Variants in TNKS observed in about 807,000 individuals in gnomAD.
TNKS encodes the protein poly [ADP-ribose] polymerase tankyrase-1.
TNKS carries 72 observed loss-of-function variants against 135.8 expected under a neutral mutation model. The observed-to-expected ratio is 0.53, with a 90% CI of 0.44 to 0.64. TNKS has a LOEUF of 0.64. TNKS is among the 30% of genes least tolerant of loss of function. The probability of loss-of-function intolerance (pLI) is 0.00; values close to 1 mark genes in which losing one functional copy is unlikely to be tolerated. For missense variants in TNKS, 1,769 were observed against 1,674.0 expected (o/e 1.06, Z -0.99); for synonymous variants, 849 against 649.3 (o/e 1.31, Z -4.68).
rs34977301 is a variant in TNKS at position 9,584,164 on chromosome 8, T to TAA, written c.898+3804_898+3805dup. ...GGGTGACAGAGCAAGACTCTGTCTT[T>TAA]AAAAAAAAAAAAAAAAAAAAAAAAT... On this transcript the variant is annotated intron_variant, in intron 2 of 26. Coordinates refer to ENST00000310430, the MANE Select transcript of TNKS (RefSeq NM_003747.3). 5.2e-3 allele frequency among the ~76,000 whole-genome samples: 598 copies of TAA among 114,446 alleles called. 2 individuals carry two copies. Among genetic ancestry groups the TAA allele is most frequent in the African/African-American group, 0.018 (541 of 30,068 alleles). The allele number at this position is 114,446 out of a possible 152,430, so 75.1% of individuals were successfully genotyped here. A position where few individuals can be genotyped will look rare whatever the true frequency, so the allele number is the denominator to read the frequency against.
intron 23 of TNKS, among the ~76,000 whole-genome samples, chr8:9,765,254 A>AAGAT (rs1193114316): frequency 6.6e-6 from 1 of 152,188 alleles, no homozygotes; most frequent in African/African-American, 2.4e-5. Context: ...GGGTATCATA[A>AAGAT]AGATGAATAA....
At chr8:9,610,747 C>CT (rs1274924427) in intron 2 of TNKS, among the ~76,000 whole-genome samples, 1 of 152,108 alleles carries the variant, frequency 6.6e-6, no homozygotes, top group Non-Finnish European at 1.5e-5. Flanking sequence ...ATAATTTACT[C>CT]TAAAAAGCTT....
At chr8:9,699,788 T>A (rs1233296445) in intron 5 of TNKS, among the ~76,000 whole-genome samples, 1 of 152,184 alleles carries the variant, frequency 6.6e-6, no homozygotes, top group African/African-American at 2.4e-5. Flanking sequence ...TCTCTTCAGC[T>A]TTATTCTCCA....
intron 1 of TNKS, chr8:9,566,114 C>T (rs978687072): frequency 6.6e-6 from 1 of 152,116 alleles, no homozygotes; most frequent in East Asian, 1.9e-4. Context: ...CAGGTCTCCT[C>T]TTCCAAATGC....
At chr8:9,634,738 C>T (rs1800441403) in intron 3 of TNKS, among the ~76,000 whole-genome samples, 1 of 152,094 alleles carries the variant, frequency 6.6e-6, no homozygotes, top group Non-Finnish European at 1.5e-5. Flanking sequence ...ACCCCAATAG[C>T]AGTGGAGCAC....
intron 3 of TNKS, among the ~76,000 whole-genome samples, chr8:9,620,338 C>G (rs933444517): frequency 2.0e-5 from 3 of 152,140 alleles, no homozygotes; most frequent in Admixed American, 1.3e-4. Flanking sequence ...CCGTTTCTTA[C>G]CATCCTCACT....
At chr8:9,645,962 C>A (rs768623840) in intron 3 of TNKS, among the ~76,000 whole-genome samples, 4 of 152,172 alleles carry the variant, frequency 2.6e-5, no homozygotes, top group African/African-American at 4.8e-5. Flanking sequence ...CGTTTACTTA[C>A]TATTTCTCCA....
intron 26 of TNKS, among the ~76,000 whole-genome samples, chr8:9,771,636 AAG>A (rs527503596): frequency 6.3e-4 from 65 of 102,650 alleles, no homozygotes; most frequent in Middle Eastern, 6.5e-3. Context: ...GAGGGAGGGA[AAG>A]AGAGAGAGGG....
At chr8:9,648,479 T>C (rs1397883811) in intron 3 of TNKS, among the ~76,000 whole-genome samples, 1 of 152,188 alleles carries the variant, frequency 6.6e-6, no homozygotes, top group East Asian at 1.9e-4. Context: ...AGGATCGTCA[T>C]TATCACTGGC....
At chr8:9,673,341 TAAGAC>T (rs1802387368) in intron 3 of TNKS, among the ~76,000 whole-genome samples, 2 of 152,108 alleles carry the variant, frequency 1.3e-5, no homozygotes, top group East Asian at 3.9e-4. Context: ...TTACAATTTT[TAAGAC>T]ATGAAAATAA....
chr8:9,691,263 T>A (rs1803253314), intron 5 of TNKS, among the ~76,000 whole-genome samples: 1 of 68,176 alleles, frequency 1.5e-5, no homozygotes, highest in African/African-American at 4.9e-5. Flanking sequence ...TTCAATATTG[T>A]TATTCTTTTT....
chr8:9,564,260 G>T (rs1396600419), intron 1 of TNKS, among the ~76,000 whole-genome samples: 1 of 152,106 alleles, frequency 6.6e-6, no homozygotes, highest in Non-Finnish European at 1.5e-5. Context: ...TAGGTCACAG[G>T]CCAGGTGTTC....
At chr8:9,608,833 C>A (rs189884632) in intron 2 of TNKS, among the ~76,000 whole-genome samples, 304 of 152,254 alleles carry the variant, frequency 2.0e-3, no homozygotes, top group Non-Finnish European at 2.8e-3. Context: ...TTATGGTACC[C>A]ATCTTGTGAG....
chr8:9,649,481 T>G (rs1440680701), intron 3 of TNKS, among the ~76,000 whole-genome samples: 1 of 152,188 alleles, frequency 6.6e-6, no homozygotes, highest in African/African-American at 2.4e-5. Context: ...ATTTTTTAAT[T>G]TTTTTTTCAA....
chr8:9,555,938 A>G lies in TNKS; in HGVS notation c.-2A>G. The G allele has an allele frequency of 3.7e-6, 6 of 1,608,990 alleles. No individual in the cohort carries two copies. The highest frequency in any genetic ancestry group is 5.1e-6 in the Non-Finnish European group (6 of 1,177,980). Reference sequence around the variant, plus strand: ...CAGTGACAGTGCTAGGGGAGTCCGAAGATGGCGGCGTCGCGTCGCTCTCAG... The same window carrying G: ...CAGTGACAGTGCTAGGGGAGTCCGAGGATGGCGGCGTCGCGTCGCTCTCAG... On this transcript the variant is annotated 5_prime_UTR_variant, in exon 1 of 27. Coordinates refer to ENST00000310430, the MANE Select transcript of TNKS (RefSeq NM_003747.3).
intron 2 of TNKS, among the ~76,000 whole-genome samples, chr8:9,598,765 GTATATATATATATATA>G (rs71201956): frequency 0.022 from 1,089 of 49,568 alleles, 38 homozygotes; most frequent in African/African-American, 0.048. Context: ...ATGTGTGTGT[GTATATATATATATATA>G]TATATATATA....
At chr8:9,656,640 A>G (rs900195506) in intron 3 of TNKS, among the ~76,000 whole-genome samples, 1 of 118,772 alleles carries the variant, frequency 8.4e-6, no homozygotes, top group Non-Finnish European at 1.8e-5. Flanking sequence ...TTATTTTTTT[A>G]TTGATAATTC....
At chr8:9,692,062 C>G (rs1803301007) in intron 5 of TNKS, among the ~76,000 whole-genome samples, 1 of 152,154 alleles carries the variant, frequency 6.6e-6, no homozygotes, top group South Asian at 2.1e-4. Flanking sequence ...GTCCCCCCTA[C>G]TTTTATTTTA....
intron 3 of TNKS, among the ~76,000 whole-genome samples, chr8:9,642,963 TA>T (rs1267406195): frequency 6.8e-6 from 1 of 146,392 alleles, no homozygotes; most frequent in Non-Finnish European, 1.5e-5. Context: ...GAGAGATTAA[TA>T]TTTTACCTAA....
Sources: allele counts gnomAD v4.1 joint callset (sites outside exome capture counted in the v4.1 genomes callset), GRCh38; gene constraint gnomAD v4.1.1; transcripts MANE v1.5; gene names NCBI Gene and HGNC (gene_info 2026-07-23, HGNC 2026-07-21).